Variants in ZAN observed in about 807,000 individuals in gnomAD.
ZAN encodes the protein zonadhesin (gene/pseudogene).
ZAN carries 260 observed loss-of-function variants against 286.2 expected under a neutral mutation model. The ratio of observed to expected loss-of-function variants is 0.91; its 90% CI spans 0.82 to 1.01. The LOEUF (loss-of-function observed/expected upper bound fraction) is 1.01. Among genes scored for constraint, ZAN ranks in the 50% least tolerant of loss-of-function variants. The probability of loss-of-function intolerance (pLI) is 0.00; values close to 1 mark genes in which losing one functional copy is unlikely to be tolerated. For synonymous variants in ZAN, 1,368 were observed against 1,417.5 expected (o/e 0.97, Z 0.79); for missense variants, 3,410 against 3,639.2 (o/e 0.94, Z 1.62).
intron 10 of ZAN, 33 bp from the exon 11 acceptor site, chr7:100,748,291 A>G: frequency 6.2e-7 from 1 of 1,613,856 alleles, no homozygotes; most frequent in Non-Finnish European, 8.5e-7. Flanking sequence ...AGCGTCACTC[A>G]ACTTGCTCAA....
chr7:100,772,859 G>GT (rs34950036), intron 29 of ZAN, among the ~76,000 whole-genome samples: 5,926 of 130,424 alleles, frequency 0.045, 461 homozygotes, highest in African/African-American at 0.16. Context: ...TTTTATGTCT[G>GT]TTTTTTTTTT....
rs1459124776 is a variant in ZAN, at chr7:100,762,336, A to G, written c.3964A>G (p.Thr1322Ala). The G allele has an allele frequency of 5.0e-6, 8 of 1,611,338 alleles. No individual in the cohort carries two copies. In the South Asian group the frequency reaches 7.7e-5, roughly 15 times the overall value. Reference protein sequence around the residue: ...DKEELGNSWQTDQDEDQECQK... With the variant: ...DKEELGNSWQADQDEDQECQK... ...GGAGGAGCTGGGGAACAGCTGGCAG[A>G]CGGACCAGGACGAGGACCAGGAGTG... is the stretch of plus-strand genomic sequence containing the variant. Residue 1322 changes from threonine (T) to alanine (A), a missense_variant, in exon 20 of 48, where the codon ACG becomes GCG. Transcript: ENST00000613979.
Position 100,736,942 on chromosome 7 carries a change from C to G in ZAN, c.387C>G (p.Gly129=). 6.7e-7 allele frequency: 1 copy of G among 1,501,858 alleles called. No homozygotes were observed. The allele number at this position is 1,501,858 out of a possible 1,614,324, so 93.0% of individuals were successfully genotyped here. A position where few individuals can be genotyped will look rare whatever the true frequency, so the allele number is the denominator to read the frequency against. ...FAHHMFGLSW[G]AQLRLLLLSG... ...ACCACATGTTCGGGCTGTCTTGGGG[C>G]GCCCAGCTCAGGCTGCTGCTGCTCT... The change falls in exon 5 of 48, where the codon GGC becomes GGG. Residue 129 remains glycine (G), a synonymous_variant. Transcript: ENST00000613979.
rs188150047 is a variant in ZAN, at chr7:100,791,110, C to T, written c.7526C>T (p.Pro2509Leu). The T allele has an allele frequency of 2.5e-6, 4 of 1,610,540 alleles. No individual in the cohort carries two copies. The highest frequency in any genetic ancestry group is 2.7e-5 in the African/African-American group (2 of 74,958). ...ACCGAGGACGCACTCCTGCGCTTCC[C>T]CAGGTGCACGGCCTGGAAGGGATGA... ...VKTEDALLRF[P>L]RAIPAEEEGQ... Residue 2509 changes from proline (P) to leucine (L), a missense_variant, in exon 40 of 48, where the codon CCC (proline) becomes CTC (leucine). Physicochemically the swap from Pro to Leu is moderately conservative, Grantham distance 98. Coordinates refer to ENST00000613979, the MANE Select transcript of ZAN (RefSeq NM_003386.3).
At chr7:100,791,586 T>C (rs1201340602) in intron 40 of ZAN, among the ~76,000 whole-genome samples, 1 of 151,666 alleles carries the variant, frequency 6.6e-6, no homozygotes, top group Non-Finnish European at 1.5e-5. Context: ...TTCGTATTTT[T>C]AGTAGAGACA....
chr7:100,749,649 A>ATAT (rs1305913115), intron 11 of ZAN, among the ~76,000 whole-genome samples: 74 of 125,472 alleles, frequency 5.9e-4, no homozygotes, highest in African/African-American at 2.0e-3. Flanking sequence ...CAAAAAAAAA[A>ATAT]AAATATATAT....
intron 23 of ZAN, among the ~76,000 whole-genome samples, chr7:100,765,952 T>G (rs1240350058): frequency 6.6e-6 from 1 of 151,388 alleles, no homozygotes; most frequent in African/African-American, 2.4e-5. Flanking sequence ...CCACCATGCC[T>G]GGCCCTTGTT....
In ZAN at chr7:100,746,261, CAA is replaced by C. The variant is rs1409017052; in HGVS notation, c.767-275_767-274del. ...AAAAACAAAAACAAAACAACAACAA[CAA>C]AGAGTTAGCACCCAAAGGTCAAAGT... On this transcript the variant is annotated intron_variant, in intron 7 of 47. Transcript: ENST00000613979. Among the ~76,000 whole-genome samples the C allele has an allele frequency of 4.6e-5, 7 of 152,040 alleles. No homozygotes were observed. The East Asian group carries it at 1.4e-3, about 29-fold the overall frequency.
At chr7:100,772,663 T>C (rs999117027) in intron 29 of ZAN, among the ~76,000 whole-genome samples, 3 of 151,100 alleles carry the variant, frequency 2.0e-5, no homozygotes, top group Admixed American at 6.6e-5. Context: ...CTACCAAAAA[T>C]ACAAAAAATT....
At position 100,788,053 on chromosome 7, in the gene ZAN, C is replaced by T. The variant is rs1357521697; in HGVS notation, c.7144C>T (p.Pro2382Ser). Reference protein sequence around the residue: ...LVEGRNKMDPPRSSIFLQEVI... With the variant: ...LVEGRNKMDPSRSSIFLQEVI... ...GGAAGGACGCAACAAGATGGATCCG[C>T]CCAGGAGCTCCATCTTCTTGCAGGA... The change falls in exon 38 of 48, where the codon CCC (proline) becomes TCC (serine). Residue 2382 changes from proline (P) to serine (S), a missense_variant. Coordinates refer to ENST00000613979, the MANE Select transcript of ZAN (RefSeq NM_003386.3). The T allele has an allele frequency of 6.3e-7, 1 of 1,593,958 alleles. No individual in the cohort carries two copies. The highest frequency in any genetic ancestry group is 8.6e-7 in the Non-Finnish European group (1 of 1,166,498).
chr7:100,788,408 T>G (rs1811719021), intron 38 of ZAN, among the ~76,000 whole-genome samples: 1 of 151,686 alleles, frequency 6.6e-6, no homozygotes, highest in African/African-American at 2.4e-5. Flanking sequence ...TAAAATGAGC[T>G]GGATATGGGG....
intron 36 of ZAN, 44 bp from the exon 37 acceptor site, chr7:100,785,953 C>T: frequency 6.3e-7 from 1 of 1,582,474 alleles, no homozygotes; most frequent in Non-Finnish European, 8.6e-7. Context: ...GCCGCCGCGC[C>T]CAGCCCCCTC....
rs1370417304 is a variant in ZAN at position 100,736,307 on chromosome 7, G to T, written c.107-176G>T. The stretch of plus-strand genomic sequence containing the variant: ...CAAAGTCCGCCTCCTGGGTTCAAGC[G>T]ATTCTCTTGCCTCAGCCTCCCCAGT... On this transcript the variant is annotated intron_variant, in intron 3 of 47. Transcript: ENST00000613979. 2.1e-5 allele frequency among the ~76,000 whole-genome samples: 3 copies of T among 142,336 alleles called. 1 individual carries two copies. The highest frequency in any genetic ancestry group is 4.7e-5 in the Non-Finnish European group (3 of 63,318). 93.4% of individuals were successfully genotyped at this position (142,336 alleles called of 152,430 possible).
Position 100,775,551 on chromosome 7 carries a change from C to T in ZAN, c.6003C>T (p.Thr2001=), listed in dbSNP as rs1810709453. The T allele has an allele frequency of 1.9e-6, 3 of 1,613,764 alleles. No homozygotes were observed. Among genetic ancestry groups the T allele is most frequent in the Non-Finnish European group, 2.5e-6 (3 of 1,179,802 alleles). Residue 2001 remains threonine (T), a synonymous_variant, in exon 32 of 48, where the codon ACC becomes ACT. Coordinates refer to ENST00000613979, the MANE Select transcript of ZAN (RefSeq NM_003386.3). ...VYIDIYDAQV[T]LQKGHRVLIN... is the part of the protein sequence containing the mutation. ...TTGACATCTACGATGCCCAGGTCAC[C>T]CTGCAGAAGGGCCACCGTGTGCTAG...
rs769795322 is a variant in ZAN, at chr7:100,764,107, A to C, written c.4178A>C (p.His1393Pro). Residue 1393 changes from histidine (H) to proline (P), a missense_variant, in exon 22 of 48, where the codon CAC (histidine) becomes CCC (proline). His to Pro is a moderately conservative substitution (Grantham distance 77, BLOSUM62 -2). Transcript: ENST00000613979. ...ATGTGCGGATTCCAGGGGCTGCAGC[A>C]CCTGCTGTGCACACACATGTCCACC... The part of the protein sequence containing the change: ...LDMCGFQGLQ[H>P]LLCTHMSTMT... The C allele has an allele frequency of 6.2e-7, 1 of 1,613,362 alleles. No individual in the cohort carries two copies. Among genetic ancestry groups the C allele is most frequent in the Admixed American group, 1.7e-5 (1 of 59,916 alleles).
rs373836409 is a variant in ZAN, at chr7:100,795,240, C to A, written c.8170C>A (p.Arg2724=). The A allele has an allele frequency of 1.1e-4, 173 of 1,610,858 alleles. No homozygotes were observed. Among genetic ancestry groups the A allele is most frequent in the Non-Finnish European group, 1.2e-4 (142 of 1,178,600 alleles). Residue 2724 remains arginine, a synonymous_variant, in exon 45 of 48, where the codon CGG becomes AGG. Transcript: ENST00000613979. ...CCCCTGTCAGAATGACGGGCAGTGT[C>A]GGGAGCAGGGAGCCACCTTCACCTG... The part of the protein sequence containing the change: ...QNPCQNDGQC[R]EQGATFTCEC...
rs1194056805 is a variant in ZAN, at chr7:100,737,073, C to T, written c.518C>T (p.Pro173Leu). 1 of 1,493,598 alleles carries T rather than the reference C, an allele frequency of 6.7e-7. No homozygotes were observed. 92.5% of individuals were successfully genotyped at this position (1,493,598 alleles called of 1,614,324 possible). ...ACTGTGCCCGCAGGGTTCACCCTGC[C>T]CACCCGGGTAAGGCCGGGGACAAAT... ...TVTVPAGFTL[P>L]TRLMFEGTRG... Residue 173 changes from proline to leucine, a missense_variant, in exon 5 of 48, where the codon CCC becomes CTC. Pro to Leu is a moderately conservative substitution (Grantham distance 98). Transcript: ENST00000613979.
intron 11 of ZAN, among the ~76,000 whole-genome samples, chr7:100,749,652 ATAT>A (rs1279518158): frequency 0.043 from 4,447 of 104,568 alleles, 267 homozygotes; most frequent in Middle Eastern, 0.094. Context: ...AAAAAAAAAA[ATAT>A]ATATATATAT....
chr7:100,757,771 A>C lies in ZAN; in HGVS notation c.3310-431A>C, dbSNP rs1056635325. 8.8e-5 allele frequency among the ~76,000 whole-genome samples: 13 copies of C among 147,142 alleles called. No individual in the cohort carries two copies. The South Asian group carries it at 1.3e-3, about 14-fold the overall frequency. ...CTCCGTCTCAAAAAAAAAAAAAAAAACAAAAAAACAGACAGACATAAGGCT... is the reference window on the plus strand; with the variant it reads ...CTCCGTCTCAAAAAAAAAAAAAAAACCAAAAAAACAGACAGACATAAGGCT... On this transcript the variant is annotated intron_variant, in intron 15 of 47. Transcript: ENST00000613979.
Sources: allele counts gnomAD v4.1 joint callset (sites outside exome capture counted in the v4.1 genomes callset), GRCh38; gene constraint gnomAD v4.1.1; transcripts MANE v1.5; gene names NCBI Gene and HGNC (gene_info 2026-07-23, HGNC 2026-07-21).